Variants in BICD1 observed in about 807,000 individuals in gnomAD.
BICD1 encodes BICD cargo adaptor 1, also known as protein bicaudal D homolog 1.
Under a neutral mutation model 92.5 loss-of-function variants are expected in BICD1, and 35 were observed. The observed-to-expected ratio is 0.38, with a 90% CI of 0.29 to 0.50. The LOEUF (loss-of-function observed/expected upper bound fraction) is 0.50, where lower values mean the gene tolerates loss of function less well. Ranked by LOEUF, BICD1 falls within the 20% of genes least tolerant of loss-of-function variation. BICD1 has a pLI of 0.93. For synonymous variants in BICD1, 429 were observed against 465.1 expected (o/e 0.92, Z 1.00); for missense variants, 950 against 1,189.8 (o/e 0.80, Z 2.97).
chr12:32,337,857 G>T lies in BICD1; in HGVS notation c.2570+41G>T. 1 of 1,586,544 alleles carries T rather than the reference G, an allele frequency of 6.3e-7. No homozygotes were observed. The highest frequency in any genetic ancestry group is 1.1e-5 in the South Asian group (1 of 90,150). On this transcript the variant is annotated intron_variant, in intron 7 of 9. Coordinates refer to ENST00000652176, the MANE Select transcript of BICD1 (RefSeq NM_001714.4). This position sits in a 1 kb window ranked among gnomAD's most constrained non-coding sequence, Gnocchi z 4.7. ...TCTTCATAGTACGGTGCAGTGGCCA[G>T]ATTTTAGTTAACTGCAAAAATAAAT...
At chr12:32,162,169 CTGAT>C (rs761921747) in intron 1 of BICD1, among the ~76,000 whole-genome samples, 8 of 152,180 alleles carry the variant, frequency 5.3e-5, no homozygotes, top group Non-Finnish European at 1.2e-4. Context: ...AGGCATGTGT[CTGAT>C]TGGTGGATTC....
chr12:32,293,627 G>A (rs1381796296), intron 2 of BICD1, among the ~76,000 whole-genome samples: 4 of 152,060 alleles, frequency 2.6e-5, no homozygotes, highest in African/African-American at 9.7e-5. Flanking sequence ...ACAGCGCCCG[G>A]CCTTTCTCGT....
At chr12:32,122,362 G>A (rs1308221244) in intron 1 of BICD1, among the ~76,000 whole-genome samples, 1 of 151,846 alleles carries the variant, frequency 6.6e-6, no homozygotes, top group African/African-American at 2.4e-5. Context: ...GGTGGTGGGC[G>A]CCTGTAGTCC....
At chr12:32,237,880 G>T (rs547794377) in intron 2 of BICD1, among the ~76,000 whole-genome samples, 3 of 152,166 alleles carry the variant, frequency 2.0e-5, no homozygotes, top group African/African-American at 7.2e-5. Flanking sequence ...GGCAGCCAAT[G>T]GATCCAGGAG....
At chr12:32,210,184 A>G (rs769176840) in intron 1 of BICD1, among the ~76,000 whole-genome samples, 1 of 152,018 alleles carries the variant, frequency 6.6e-6, no homozygotes, top group African/African-American at 2.4e-5. Flanking sequence ...AGTGCCTGAC[A>G]TAGTACAGTG....
chr12:32,108,642 C>A, intron 1 of BICD1: 1 of 694,660 alleles, frequency 1.4e-6, no homozygotes, highest in Non-Finnish European at 2.6e-6. Flanking sequence ...TATGCTGTTA[C>A]AGTTAAAAGA....
rs180887157 is a variant in BICD1, at chr12:32,305,742, G to C, written c.625G>C (p.Glu209Gln). 1.1e-4 allele frequency: 171 copies of C among 1,614,050 alleles called. No individual in the cohort carries two copies. The highest frequency in any genetic ancestry group is 1.5e-4 in the Admixed American group (9 of 59,982). ...LKHEIKRFEE[E>Q]TVLLNSQLED... is the part of the protein sequence containing the mutation. ...GCATGAGATTAAGCGATTTGAGGAG[G>C]AGACGGTACTGCTGAACAGCCAGCT... The change falls in exon 4 of 10, where the codon GAG becomes CAG. Residue 209 changes from glutamate to glutamine, a missense_variant. Physicochemically the swap from Glu to Gln is conservative, Grantham distance 29. Coordinates refer to ENST00000652176, the MANE Select transcript of BICD1 (RefSeq NM_001714.4).
chr12:32,189,032 CTTTAAT>C (rs1482671301), intron 1 of BICD1, among the ~76,000 whole-genome samples: 1 of 152,132 alleles, frequency 6.6e-6, no homozygotes, highest in Non-Finnish European at 1.5e-5. Flanking sequence ...TGAGTTCTCT[CTTTAAT>C]TTTAACTAAG....
chr12:32,134,818 G>A (rs1329328766), intron 1 of BICD1, among the ~76,000 whole-genome samples: 7 of 152,168 alleles, frequency 4.6e-5, no homozygotes, highest in Non-Finnish European at 7.3e-5. Context: ...GCCACCTTTG[G>A]TCTACAGCAG....
chr12:32,273,445 G>A (rs950751670), intron 2 of BICD1, among the ~76,000 whole-genome samples: 1 of 152,164 alleles, frequency 6.6e-6, no homozygotes, highest in African/African-American at 2.4e-5. Flanking sequence ...CCTTTCCTCA[G>A]GCTCACTGGA....
At position 32,351,487 on chromosome 12, in the gene BICD1, CAAAAAA is replaced by C. The variant is rs35002678; in HGVS notation, c.2764+12527_2764+12532del. Reference sequence around the variant, plus strand: ...TGGGCAACAGAGCAAGACTCTGTCTCAAAAAAAAAAAAAAAAAAAAAAAAGAAAGGA... The same window carrying C: ...TGGGCAACAGAGCAAGACTCTGTCTCAAAAAAAAAAAAAAAAAAGAAAGGA... On this transcript the variant is annotated intron_variant, in intron 8 of 9. Transcript: ENST00000652176. Among the ~76,000 whole-genome samples the C allele has an allele frequency of 2.1e-4, 12 of 57,220 alleles. No individual in the cohort carries two copies. In the East Asian group the frequency reaches 4.4e-3, roughly 21 times the overall value. The allele number at this position is 57,220 out of a possible 152,430, so 37.5% of individuals were successfully genotyped here.
At chr12:32,329,892 A>G (rs914604463) in intron 5 of BICD1, among the ~76,000 whole-genome samples, 3 of 152,232 alleles carry the variant, frequency 2.0e-5, no homozygotes, top group African/African-American at 7.2e-5. Flanking sequence ...CTGAAAAGAT[A>G]TTCTTGAAAG....
chr12:32,370,851 A>G (rs1021019505), intron 9 of BICD1, among the ~76,000 whole-genome samples: 3 of 152,176 alleles, frequency 2.0e-5, no homozygotes, highest in African/African-American at 7.2e-5. Flanking sequence ...TAATTTGCTG[A>G]AGAAAGCGTG....
At chr12:32,261,901 A>G (rs1484524491) in intron 2 of BICD1, among the ~76,000 whole-genome samples, 3 of 152,328 alleles carry the variant, frequency 2.0e-5, no homozygotes, top group South Asian at 4.1e-4. Flanking sequence ...TTGACAGGCC[A>G]TGTTTGTGAG....
At chr12:32,220,123 C>G (rs990792646) in intron 2 of BICD1, among the ~76,000 whole-genome samples, 1 of 152,118 alleles carries the variant, frequency 6.6e-6, no homozygotes, top group Non-Finnish European at 1.5e-5. Context: ...AACGTTAGAC[C>G]TAAAACCATA....
intron 3 of BICD1, among the ~76,000 whole-genome samples, chr12:32,295,008 G>T (rs1375020165): frequency 6.7e-6 from 1 of 148,918 alleles, no homozygotes; most frequent in Non-Finnish European, 1.5e-5. Context: ...CTTGAACCCA[G>T]GATGCGGAGG....
intron 4 of BICD1, among the ~76,000 whole-genome samples, chr12:32,321,451 G>A (rs1253567955): frequency 6.6e-6 from 1 of 152,118 alleles, no homozygotes; most frequent in East Asian, 1.9e-4. Flanking sequence ...TACAAATACT[G>A]AAGTCAGGTT....
At chr12:32,180,120 T>G (rs1281138139) in intron 1 of BICD1, among the ~76,000 whole-genome samples, 3 of 152,100 alleles carry the variant, frequency 2.0e-5, no homozygotes, top group South Asian at 2.1e-4. Context: ...TTTTTTAGAC[T>G]TTCATTTTCT....
intron 1 of BICD1, among the ~76,000 whole-genome samples, chr12:32,188,732 CTT>C (rs112355174): frequency 6.9e-5 from 10 of 144,058 alleles, no homozygotes; most frequent in Admixed American, 7.0e-5. Context: ...TCTTGAATTC[CTT>C]TTTTTTTTTT....
Sources: gnomAD v4.1 joint callset for allele counts (sites outside exome capture counted in the v4.1 genomes callset) on GRCh38, gnomAD v4.1.1 for gene constraint, Gnocchi (gnomAD v3.1) non-coding constraint, MANE v1.5 for transcripts, NCBI Gene and HGNC (gene_info 2026-07-23, HGNC 2026-07-21) for gene names.